The following LARP4B variants were observed in gnomAD, a reference collection of about 807,000 sequenced individuals.
LARP4B encodes the protein la-related protein 4B.
LARP4B carries 12 observed loss-of-function variants against 89.8 expected under a neutral mutation model. That is an observed-to-expected ratio of 0.13 (90% CI 0.09 to 0.22). The LOEUF is 0.22. LARP4B is among the 10% of genes least tolerant of loss of function. LARP4B has a pLI of 1.00. For missense variants in LARP4B, 757 were observed against 947.7 expected (o/e 0.80, Z 2.64); for synonymous variants, 367 against 363.3 (o/e 1.01, Z -0.12).
chr10:887,940 G>A (rs914362217), intron 1 of LARP4B, among the ~76,000 whole-genome samples: 6 of 151,660 alleles, frequency 4.0e-5, no homozygotes, highest in Non-Finnish European at 8.8e-5. Flanking sequence ...CACTAGAATC[G>A]CGTGAACCAG....
At chr10:912,636 C>G (rs890597692) in intron 1 of LARP4B, among the ~76,000 whole-genome samples, 3 of 146,674 alleles carry the variant, frequency 2.0e-5, no homozygotes, top group African/African-American at 7.5e-5. Flanking sequence ...CTTTGGGAGG[C>G]TGAGGCGGGC....
At chr10:874,856 G>A (rs1835394892) in intron 3 of LARP4B, among the ~76,000 whole-genome samples, 1 of 152,230 alleles carries the variant, frequency 6.6e-6, no homozygotes, top group Middle Eastern at 3.4e-3. Context: ...TGATTATGAT[G>A]ATAATGGTAG....
rs114967352 is a variant in LARP4B, at chr10:907,366, A to G, written c.-39-21606T>C. 2.0e-3 allele frequency among the ~76,000 whole-genome samples: 302 copies of G among 152,342 alleles called. 1 individual carries two copies. Among genetic ancestry groups the G allele is most frequent in the African/African-American group, 7.1e-3 (294 of 41,566 alleles). On this transcript the variant is annotated intron_variant, in intron 1 of 17. Transcript: ENST00000316157. ...GCTGGTGCACATTCCAAGTGGTGTA[A>G]TAAGGGAAAAGGCAATATTCACAGC...
chr10:917,860 C>G (rs1352699112), intron 1 of LARP4B, among the ~76,000 whole-genome samples: 2 of 152,130 alleles, frequency 1.3e-5, no homozygotes, highest in South Asian at 4.1e-4. Flanking sequence ...AAGTATAATA[C>G]TAAAACTTAT....
chr10:975,137 G>A, the LARP4B span, among the ~76,000 whole-genome samples: 2 of 152,226 alleles, frequency 1.3e-5, no homozygotes, highest in Non-Finnish European at 2.9e-5. Context: ...ATGTTTAAAA[G>A]GGAAATACAT....
intron 5 of LARP4B, among the ~76,000 whole-genome samples, chr10:858,877 C>T (rs1187031937): frequency 1.3e-5 from 2 of 152,168 alleles, no homozygotes; most frequent in South Asian, 4.1e-4. Flanking sequence ...ATAGGCTGGG[C>T]GCAGTGGCTC....
chr10:836,052 T>C (rs946146744), intron 8 of LARP4B, among the ~76,000 whole-genome samples: 2 of 149,920 alleles, frequency 1.3e-5, no homozygotes, highest in Non-Finnish European at 3.0e-5. Context: ...GTCATAGAAA[T>C]ACTTGTTTTG....
chr10:817,951 T>G, intron 14 of LARP4B, 62 bp from the exon 15 acceptor site: 1 of 1,491,714 alleles, frequency 6.7e-7, no homozygotes. Flanking sequence ...AGCTTCTCGT[T>G]TCCACACCTG....
In LARP4B at chr10:817,871, G is replaced by C; in HGVS notation, c.1549C>G (p.Pro517Ala). ...GGCGACGGAGGCTTTGGTGGCGTTGGAGACTGTGTCTGGCTGCTCTGCAAC... is the reference window on the plus strand; with the variant it reads ...GGCGACGGAGGCTTTGGTGGCGTTGCAGACTGTGTCTGGCTGCTCTGCAAC... The part of the protein sequence containing the change: ...EKFTSSQTQS[P>A]TPPKPPSPSF... The change falls in exon 15 of 18, where the codon CCA becomes GCA. Residue 517 changes from proline (P) to alanine (A), a missense_variant. By Grantham distance (27) the Pro-to-Ala change is conservative (BLOSUM62 -1). Around this residue, in one of 5 missense-constraint regions of LARP4B, gnomAD observed 387 missense variants for 423.6 expected, o/e 0.91. Transcript: ENST00000316157. 6.2e-7 allele frequency: 1 copy of C among 1,614,050 alleles called. No individual in the cohort carries two copies. Among genetic ancestry groups the C allele is most frequent in the Non-Finnish European group, 8.5e-7 (1 of 1,179,904 alleles).
At chr10:970,818 G>C in the LARP4B span, among the ~76,000 whole-genome samples, 1 of 152,108 alleles carries the variant, frequency 6.6e-6, no homozygotes, top group Non-Finnish European at 1.5e-5. Flanking sequence ...AGAGGGATTA[G>C]GGGCAAAGGA....
chr10:840,463 G>A (rs182777378), intron 7 of LARP4B, among the ~76,000 whole-genome samples: 2 of 152,222 alleles, frequency 1.3e-5, no homozygotes, highest in East Asian at 3.9e-4. Context: ...TTGGAAATAC[G>A]CTTTTATAAA....
the LARP4B span, among the ~76,000 whole-genome samples, chr10:955,267 T>C: frequency 6.6e-6 from 1 of 152,184 alleles, no homozygotes; most frequent in African/African-American, 2.4e-5. The surrounding 1 kb of genome is among the most constrained non-coding windows in gnomAD (Gnocchi z 5.2). Context: ...CACCCCTGCC[T>C]CACTTCAGTC....
chr10:886,758 CTATCTTAAAAAGTCAAA>C (rs1564431358), intron 1 of LARP4B, among the ~76,000 whole-genome samples: 4 of 152,156 alleles, frequency 2.6e-5, no homozygotes, highest in Non-Finnish European at 1.5e-5. Context: ...GTGAAAGTTA[CTATCTTAAAAAGTCAAA>C]TACATAGAAA....
chr10:958,116 G>A, the LARP4B span, among the ~76,000 whole-genome samples: 2 of 152,116 alleles, frequency 1.3e-5, no homozygotes, highest in Non-Finnish European at 2.9e-5. Flanking sequence ...TTTCCTCCGC[G>A]TAACTGTGGT....
chr10:814,546 G>A lies in LARP4B; in HGVS notation c.1929+196C>T, dbSNP rs1030074053. The A allele has an allele frequency of 1.6e-6, 2 of 1,243,518 alleles. No homozygotes were observed. Among genetic ancestry groups the A allele is most frequent in the African/African-American group, 3.0e-5 (2 of 66,868 alleles). 77.0% of individuals were successfully genotyped at this position (1,243,518 alleles called of 1,614,324 possible). A position where few individuals can be genotyped will look rare whatever the true frequency, so the allele number is the denominator to read the frequency against. On this transcript the variant is annotated intron_variant, in intron 17 of 17. Coordinates refer to ENST00000316157, the MANE Select transcript of LARP4B (RefSeq NM_015155.3). The surrounding 1 kb of genome is among the most constrained non-coding windows in gnomAD (Gnocchi z 4.4). ...AAGGACTACATGGTGGTCTGAGAAAGAACTAGAGTAGTTAGTGGAAAATTA... is the reference window on the plus strand; with the variant it reads ...AAGGACTACATGGTGGTCTGAGAAAAAACTAGAGTAGTTAGTGGAAAATTA...
chr10:947,726 A>G, the LARP4B span, among the ~76,000 whole-genome samples: 20,140 of 152,026 alleles, frequency 0.13, 1,754 homozygotes, highest in Non-Finnish European at 0.2. Flanking sequence ...GGTTCAAGCA[A>G]TTCTCCTGCC....
chr10:813,648 A>G (rs1445606630), intron 17 of LARP4B, among the ~76,000 whole-genome samples: 1 of 152,256 alleles, frequency 6.6e-6, no homozygotes, highest in Non-Finnish European at 1.5e-5. Context: ...GTCTTTAAAT[A>G]AAAATGTTTT....
Position 812,754 on chromosome 10 carries a change from A to AT in LARP4B, c.*171dup, listed in dbSNP as rs56215024. 19 of 465,172 alleles carry AT rather than the reference A, an allele frequency of 4.1e-5. No individual in the cohort carries two copies. The highest frequency in any genetic ancestry group is 1.7e-4 in the East Asian group (5 of 28,642). The allele number at this position is 465,172 out of a possible 1,614,324, so 28.8% of individuals were successfully genotyped here. On this transcript the variant is annotated 3_prime_UTR_variant, in exon 18 of 18. Coordinates refer to ENST00000316157, the MANE Select transcript of LARP4B (RefSeq NM_015155.3). ...GTATTAATTAAATCCTGAAAAATCG[A>AT]TTTTTTTTCAAGAGGGGGAGAATCC...
At chr10:868,832 G>A (rs1207687846) in intron 3 of LARP4B, among the ~76,000 whole-genome samples, 1 of 152,198 alleles carries the variant, frequency 6.6e-6, no homozygotes, top group Non-Finnish European at 1.5e-5. Flanking sequence ...TGACATTTGA[G>A]CCATCTCTAC....
Sources: allele counts gnomAD v4.1 joint callset (sites outside exome capture counted in the v4.1 genomes callset), GRCh38; gene constraint gnomAD v4.1.1; regional missense constraint gnomAD v4.1.1; non-coding constraint Gnocchi (gnomAD v3.1); transcripts MANE v1.5; gene names NCBI Gene and HGNC (gene_info 2026-07-23, HGNC 2026-07-21).